KCNC4: variants seen among roughly 807,000 people sequenced by gnomAD.
KCNC4 encodes potassium voltage-gated channel subfamily C member 4, also known as voltage-gated potassium channel KCNC4.
Under a neutral mutation model 42.8 loss-of-function variants are expected in KCNC4, and 23 were observed. The observed-to-expected ratio is 0.54, with a 90% CI of 0.39 to 0.76. KCNC4 has a LOEUF of 0.76. Among genes scored for constraint, KCNC4 ranks in the 30% least tolerant of loss-of-function variants. The pLI, the probability that KCNC4 is intolerant of heterozygous loss-of-function variation, is 0.00. For missense variants in KCNC4, 751 were observed against 898.2 expected (o/e 0.84, Z 2.10); for synonymous variants, 422 against 393.5 (o/e 1.07, Z -0.86).
chr1:110,214,080 C>T (rs575388162), intron 1 of KCNC4, among the ~76,000 whole-genome samples: 26 of 152,346 alleles, frequency 1.7e-4, no homozygotes, highest in Non-Finnish European at 3.4e-4. Flanking sequence ...GCCAGGGGGC[C>T]TCTTTGAGTA....
chr1:110,211,433 C>T lies in KCNC4; in HGVS notation c.-67C>T. On this transcript the variant is annotated 5_prime_UTR_variant, in exon 1 of 4. Coordinates refer to ENST00000438661, the MANE Select transcript of KCNC4 (RefSeq NM_001039574.3). The surrounding 1 kb of genome is among the most constrained non-coding windows in gnomAD (Gnocchi z 6.5). The stretch of plus-strand genomic sequence containing the variant: ...TCTCCTCCCCCTCCCCCGTCTGACG[C>T]TGCCTCCTCGGGAAGGGTGTTTGGA... 6.6e-7 allele frequency: 1 copy of T among 1,517,210 alleles called. No individual in the cohort carries two copies. Among genetic ancestry groups the T allele is most frequent in the Non-Finnish European group, 8.9e-7 (1 of 1,128,992 alleles). 94.0% of individuals were successfully genotyped at this position (1,517,210 alleles called of 1,614,324 possible).
intron 1 of KCNC4, among the ~76,000 whole-genome samples, chr1:110,257,708 G>A (rs972435672): frequency 7.3e-5 from 9 of 122,932 alleles, no homozygotes; most frequent in African/African-American, 2.3e-4. Context: ...GCAACAGAGC[G>A]AGACTCCGTC....
chr1:110,255,287 C>T (rs1312298936), intron 1 of KCNC4, among the ~76,000 whole-genome samples: 2 of 152,126 alleles, frequency 1.3e-5, no homozygotes, highest in Admixed American at 6.5e-5. Context: ...TGTTGGCCGT[C>T]CCCCTGGAAC....
chr1:110,264,062 G>A (rs538666721), intron 1 of KCNC4, among the ~76,000 whole-genome samples: 132 of 152,192 alleles, frequency 8.7e-4, no homozygotes, highest in Non-Finnish European at 1.5e-3. Flanking sequence ...TTCTGGCCCC[G>A]GGCAGTAAAG....
intron 1 of KCNC4, among the ~76,000 whole-genome samples, chr1:110,261,797 G>A (rs1046455668): frequency 1.3e-5 from 2 of 152,202 alleles, no homozygotes; most frequent in South Asian, 4.1e-4. Context: ...GATATGGAGT[G>A]ACCAGGGAGG....
In KCNC4 at chr1:110,233,531, C is replaced by T. The variant is rs2101044817; in HGVS notation, c.*559C>T. On this transcript the variant is annotated 3_prime_UTR_variant, in exon 4 of 4. Coordinates refer to ENST00000438661, the MANE Select transcript of KCNC4 (RefSeq NM_001039574.3). Reference sequence around the variant, plus strand: ...CCAGATTGGGGTTCTACCTCCCACCCCACATCCTCGTTGTGGGGGGACTTC... The same window carrying T: ...CCAGATTGGGGTTCTACCTCCCACCTCACATCCTCGTTGTGGGGGGACTTC... 6.4e-6 allele frequency: 1 copy of T among 156,966 alleles called. No individual in the cohort carries two copies. Among genetic ancestry groups the T allele is most frequent in the Non-Finnish European group, 1.4e-5 (1 of 70,826 alleles). 9.7% of individuals were successfully genotyped at this position (156,966 alleles called of 1,614,324 possible).
chr1:110,272,397 G>C (rs1234769696), intron 1 of KCNC4: 2 of 152,208 alleles, frequency 1.3e-5, no homozygotes, highest in Non-Finnish European at 2.9e-5. Context: ...AAGCTGCAGA[G>C]AGAAAAATGG....
chr1:110,268,620 A>AG (rs1429331035), intron 1 of KCNC4, among the ~76,000 whole-genome samples: 1 of 148,646 alleles, frequency 6.7e-6, no homozygotes, highest in African/African-American at 2.5e-5. Context: ...GAAAAAAAAA[A>AG]AAAAAAAGAA....
At chr1:110,230,462 C>T (rs943028278) in intron 3 of KCNC4, among the ~76,000 whole-genome samples, 1 of 152,208 alleles carries the variant, frequency 6.6e-6, no homozygotes, top group African/African-American at 2.4e-5. Flanking sequence ...GATGCCACCA[C>T]TGTTTTCTCC....
At chr1:110,277,639 T>C (rs772646669) in intron 1 of KCNC4, among the ~76,000 whole-genome samples, 2 of 152,202 alleles carry the variant, frequency 1.3e-5, no homozygotes, top group African/African-American at 2.4e-5. Context: ...CTAAACCAGA[T>C]TCCAGGAAGG....
chr1:110,268,950 T>C (rs1353089309), intron 1 of KCNC4, among the ~76,000 whole-genome samples: 1 of 151,962 alleles, frequency 6.6e-6, no homozygotes, highest in Non-Finnish European at 1.5e-5. Flanking sequence ...TCTCCTGACC[T>C]CGTGATCCGC....
intron 1 of KCNC4, chr1:110,282,428 G>A (rs142654883): frequency 2.1e-4 from 32 of 152,316 alleles, no homozygotes; most frequent in Middle Eastern, 3.4e-3. Flanking sequence ...ACCATGGGTA[G>A]GAAAAAAGAT....
At chr1:110,245,853 A>G (rs544185770) in exon 4 of KCNC4, 1 of 152,036 alleles carries the variant, frequency 6.6e-6, no homozygotes, top group African/African-American at 2.4e-5. Context: ...GTGGGTATCA[A>G]GGAGGATGTT....
At chr1:110,238,906 A>G (rs895663467), downstream of KCNC4, 6 of 152,172 alleles carry the variant, frequency 3.9e-5, no homozygotes, top group African/African-American at 1.4e-4. Context: ...CTAATCAGGG[A>G]GAGAGGCCAG....
intron 3 of KCNC4, among the ~76,000 whole-genome samples, chr1:110,227,904 C>T (rs1197164880): frequency 6.6e-6 from 1 of 152,176 alleles, no homozygotes; most frequent in East Asian, 1.9e-4. Context: ...AGCATCTCAC[C>T]ATCCAGTATC....
intron 3 of KCNC4, among the ~76,000 whole-genome samples, chr1:110,227,619 G>A (rs1258738099): frequency 2.6e-5 from 4 of 152,248 alleles, no homozygotes; most frequent in Non-Finnish European, 5.9e-5. Context: ...CAAACAGGCA[G>A]TGGCTTCCAC....
chr1:110,278,199 GA>G (rs71745333), intron 1 of KCNC4, among the ~76,000 whole-genome samples: 43,309 of 147,934 alleles, frequency 0.29, 6,733 homozygotes, highest in Admixed American at 0.43. Flanking sequence ...ACGGAAGGAG[GA>G]AAAAAAAAAG....
At chr1:110,226,403 G>A in intron 3 of KCNC4, 1 of 583,990 alleles carries the variant, frequency 1.7e-6, no homozygotes, top group Non-Finnish European at 3.1e-6. Flanking sequence ...AGCTGCCCAT[G>A]GGAAAGAGCA....
intron 1 of KCNC4, among the ~76,000 whole-genome samples, chr1:110,258,759 A>T (rs1659377640): frequency 6.6e-6 from 1 of 152,200 alleles, no homozygotes; most frequent in Non-Finnish European, 1.5e-5. Context: ...TTCAGCTTGA[A>T]TGAAATCTAC....
Sources: allele counts gnomAD v4.1 joint callset (sites outside exome capture counted in the v4.1 genomes callset), GRCh38; gene constraint gnomAD v4.1.1; non-coding constraint Gnocchi (gnomAD v3.1); transcripts MANE v1.5; gene names NCBI Gene and HGNC (gene_info 2026-07-23, HGNC 2026-07-21).